SAMD5: variants seen among roughly 807,000 people sequenced by gnomAD.
SAMD5 encodes sterile alpha motif domain-containing protein 5.
In SAMD5, 13 loss-of-function variants were observed where a neutral mutation model predicts 11.3. That is an observed-to-expected ratio of 1.15 (90% CI 0.75 to 1.83). The LOEUF (loss-of-function observed/expected upper bound fraction) is 1.83, where lower values mean the gene tolerates loss of function less well. Ranked by LOEUF, SAMD5 falls within the 40% of genes most tolerant of loss-of-function variation. The pLI is 0.00. For synonymous variants in SAMD5, 129 were observed against 111.3 expected, an observed-to-expected ratio of 1.16 and a Z score of -1.00; for missense variants, 255 against 239.1, an observed-to-expected ratio of 1.07 and a Z score of -0.44.
At chr6:147,801,812 A>G in the SAMD5 span, among the ~76,000 whole-genome samples, 3 of 152,194 alleles carry the variant, frequency 2.0e-5, no homozygotes, top group Non-Finnish European at 4.4e-5. Flanking sequence ...CCACGCACAT[A>G]TGGTCAATTA....
At chr6:147,573,811 C>A (rs1789173581), downstream of SAMD5, among the ~76,000 whole-genome samples, 2 of 152,044 alleles carry the variant, frequency 1.3e-5, no homozygotes, top group South Asian at 4.1e-4. Context: ...AAATTGTTTT[C>A]AAGATATGCT....
intron 1 of SAMD5, among the ~76,000 whole-genome samples, chr6:147,728,243 T>C (rs1474644551): frequency 6.6e-6 from 1 of 152,048 alleles, no homozygotes; most frequent in Non-Finnish European, 1.5e-5. Context: ...CTGGCCAATA[T>C]GGTGAAATCC....
At chr6:147,529,179 C>G (rs1417692415) in intron 1 of SAMD5, among the ~76,000 whole-genome samples, 1 of 152,142 alleles carries the variant, frequency 6.6e-6, no homozygotes, top group Non-Finnish European at 1.5e-5. Flanking sequence ...AATGGCAGAT[C>G]TATTCACAGG....
chr6:147,536,372 A>G (rs1242120279), intron 1 of SAMD5, among the ~76,000 whole-genome samples: 2 of 152,228 alleles, frequency 1.3e-5, no homozygotes, highest in Non-Finnish European at 2.9e-5. Context: ...CTGGAGAAAT[A>G]AGGTAGAGAG....
chr6:147,791,318 G>T, the SAMD5 span, among the ~76,000 whole-genome samples: 1 of 151,778 alleles, frequency 6.6e-6, no homozygotes, highest in African/African-American at 2.4e-5. Context: ...ATAAATGAAA[G>T]ATAAAGTTTC....
chr6:147,835,557 A>G, the SAMD5 span, among the ~76,000 whole-genome samples: 2 of 152,120 alleles, frequency 1.3e-5, no homozygotes, highest in African/African-American at 4.8e-5. Context: ...CACTATTGGC[A>G]GAGACTTAGT....
chr6:147,648,242 C>A (rs998431236), intron 1 of SAMD5, among the ~76,000 whole-genome samples: 1 of 152,126 alleles, frequency 6.6e-6, no homozygotes, highest in Non-Finnish European at 1.5e-5. Flanking sequence ...TGGCAGAAGG[C>A]AAAAGGAAGT....
the SAMD5 span, among the ~76,000 whole-genome samples, chr6:147,913,823 A>G: frequency 6.6e-6 from 1 of 152,256 alleles, no homozygotes; most frequent in Admixed American, 6.5e-5. Flanking sequence ...ATGCATGTGT[A>G]TATATGCATT....
intron 1 of SAMD5, among the ~76,000 whole-genome samples, chr6:147,605,361 C>A (rs1273864470): frequency 1.3e-5 from 2 of 152,178 alleles, no homozygotes; most frequent in African/African-American, 4.8e-5. Context: ...GTGATCCTCT[C>A]ACCTTGGCCT....
the SAMD5 span, among the ~76,000 whole-genome samples, chr6:147,896,208 G>A: frequency 6.6e-6 from 1 of 152,128 alleles, no homozygotes; most frequent in Admixed American, 6.6e-5. Context: ...AATTTGATCT[G>A]TAACACATCT....
the SAMD5 span, among the ~76,000 whole-genome samples, chr6:147,917,399 G>A: frequency 6.6e-5 from 10 of 150,838 alleles, no homozygotes; most frequent in Non-Finnish European, 1.2e-4. Context: ...CTTTTTGATG[G>A]GGTTGTTTGT....
chr6:147,862,112 C>T, the SAMD5 span, among the ~76,000 whole-genome samples: 14 of 151,628 alleles, frequency 9.2e-5, no homozygotes, highest in Non-Finnish European at 1.6e-4. Flanking sequence ...CCACCATACG[C>T]GATTGACAAA....
At chr6:147,879,229 A>G in the SAMD5 span, among the ~76,000 whole-genome samples, 1 of 152,188 alleles carries the variant, frequency 6.6e-6, no homozygotes, top group Admixed American at 6.5e-5. Context: ...CGATTTCACA[A>G]CTGCTTCTGC....
At chr6:147,676,351 T>A (rs1183479688) in intron 1 of SAMD5, among the ~76,000 whole-genome samples, 1 of 151,886 alleles carries the variant, frequency 6.6e-6, no homozygotes, top group African/African-American at 2.4e-5. Flanking sequence ...CTTCCTCAGC[T>A]CCTTCAGGTG....
chr6:147,646,971 C>T (rs563505593), intron 1 of SAMD5, among the ~76,000 whole-genome samples: 2,965 of 138,122 alleles, frequency 0.021, 160 homozygotes, highest in Non-Finnish European at 0.029. Flanking sequence ...AACCTCATCT[C>T]TAATAATAAT....
At chr6:147,832,689 A>G in the SAMD5 span, among the ~76,000 whole-genome samples, 1 of 152,078 alleles carries the variant, frequency 6.6e-6, no homozygotes, top group African/African-American at 2.4e-5. Flanking sequence ...AATACTTTTC[A>G]CTACCTAATT....
intron 1 of SAMD5, among the ~76,000 whole-genome samples, chr6:147,623,677 A>G (rs920661094): frequency 6.6e-6 from 1 of 152,224 alleles, no homozygotes; most frequent in African/African-American, 2.4e-5. Flanking sequence ...TTTGCTCATC[A>G]TAACTGACTC....
In SAMD5 at chr6:147,566,050, A is replaced by G. The variant is rs1562322377; in HGVS notation, c.*1594A>G. ...TCCATTTTGGTTCCTAAGAATAGAT[A>G]GGCCATTAAGAAGGATATTAGGTTT... On this transcript the variant is annotated 3_prime_UTR_variant, in exon 2 of 2. Transcript: ENST00000367474. 1.6e-5 allele frequency: 16 copies of G among 984,848 alleles called. No individual in the cohort carries two copies. Among genetic ancestry groups the G allele is most frequent in the East Asian group, 1.1e-4 (1 of 8,806 alleles). The allele number at this position is 984,848 out of a possible 1,614,324, so 61.0% of individuals were successfully genotyped here.
intron 1 of SAMD5, among the ~76,000 whole-genome samples, chr6:147,676,652 AG>A (rs1265682413): frequency 6.6e-5 from 10 of 152,188 alleles, no homozygotes; most frequent in African/African-American, 2.4e-4. Context: ...GTAGGCAGTC[AG>A]TATATACATG....
Sources: allele counts gnomAD v4.1 joint callset (sites outside exome capture counted in the v4.1 genomes callset), GRCh38; gene constraint gnomAD v4.1.1; transcripts MANE v1.5; gene names NCBI Gene and HGNC (gene_info 2026-07-23, HGNC 2026-07-21).